The following CARMIL1 variants were observed in gnomAD, a reference collection of about 807,000 sequenced individuals.
CARMIL1 encodes the protein F-actin-uncapping protein LRRC16A.
A neutral mutation model predicts 177.1 loss-of-function variants in CARMIL1; 90 were observed. The observed-to-expected ratio is 0.51, with a 90% CI of 0.43 to 0.61. The LOEUF (loss-of-function observed/expected upper bound fraction) is 0.61, where lower values mean the gene tolerates loss of function less well. Ranked by LOEUF, CARMIL1 falls within the 20% of genes least tolerant of loss-of-function variation. The pLI, the probability that CARMIL1 is intolerant of heterozygous loss-of-function variation, is 0.00. For missense variants in CARMIL1, 1,380 were observed against 1,667.0 expected (o/e 0.83, Z 3.00); for synonymous variants, 577 against 606.2 (o/e 0.95, Z 0.71).
At chr6:25,392,906 A>G (rs1793021837) in intron 2 of CARMIL1, among the ~76,000 whole-genome samples, 1 of 151,992 alleles carries the variant, frequency 6.6e-6, no homozygotes, top group Admixed American at 6.6e-5. Context: ...AAAAAACAAC[A>G]GTGTTCCTGA....
chr6:25,392,598 G>T (rs1467444906), intron 2 of CARMIL1, among the ~76,000 whole-genome samples: 11 of 152,144 alleles, frequency 7.2e-5, no homozygotes. Context: ...GACTCCAGGG[G>T]ATGGCTCAGA....
chr6:25,328,977 A>G (rs1419887535), intron 2 of CARMIL1, among the ~76,000 whole-genome samples: 1 of 152,158 alleles, frequency 6.6e-6, no homozygotes, highest in Admixed American at 6.5e-5. Context: ...GGAGGGTCAT[A>G]TGTATTTCCA....
chr6:25,605,954 T>C (rs1044813879), intron 34 of CARMIL1, 107 bp from the exon 35 acceptor site: 2 of 720,826 alleles, frequency 2.8e-6, no homozygotes, highest in Non-Finnish European at 4.6e-6. Context: ...AAAACATCCG[T>C]GATGAGAAAC....
intron 13 of CARMIL1, among the ~76,000 whole-genome samples, chr6:25,490,484 G>T (rs75635500): frequency 2.3e-4 from 35 of 152,124 alleles, no homozygotes; most frequent in African/African-American, 8.4e-4. Flanking sequence ...GATCTCTGGG[G>T]TCCAGGGGTT....
chr6:25,480,035 A>G (rs1474985295), intron 11 of CARMIL1, among the ~76,000 whole-genome samples: 1 of 152,166 alleles, frequency 6.6e-6, no homozygotes, highest in African/African-American at 2.4e-5. Flanking sequence ...GTATGAATTC[A>G]CAGTACTAAG....
chr6:25,563,306 A>G (rs1005247593), intron 29 of CARMIL1: 104 of 985,316 alleles, frequency 1.1e-4, no homozygotes, highest in Non-Finnish European at 1.1e-4. Context: ...AGAATAAAAG[A>G]TCAAATCCCT....
chr6:25,520,107 G>A (rs1208737135), intron 22 of CARMIL1, 137 bp from the exon 23 acceptor site: 18 of 521,800 alleles, frequency 3.4e-5, no homozygotes, highest in Middle Eastern at 5.2e-4. Context: ...GCAATCTAGG[G>A]GCCTAAATGG....
At chr6:25,603,906 A>T (rs1033724322) in intron 33 of CARMIL1, among the ~76,000 whole-genome samples, 3 of 152,080 alleles carry the variant, frequency 2.0e-5, no homozygotes, top group African/African-American at 7.2e-5. Context: ...TCCCACCTGC[A>T]GATTTTTAAA....
At chr6:25,526,361 A>G (rs1308861377) in intron 23 of CARMIL1, among the ~76,000 whole-genome samples, 1 of 151,604 alleles carries the variant, frequency 6.6e-6, no homozygotes, top group Admixed American at 6.6e-5. Flanking sequence ...AAGAAAATGG[A>G]CATTCAGGAC....
intron 2 of CARMIL1, among the ~76,000 whole-genome samples, chr6:25,321,991 G>A (rs1001755727): frequency 1.3e-5 from 2 of 151,938 alleles, no homozygotes; most frequent in Admixed American, 6.6e-5. Flanking sequence ...ACCAGGTCAC[G>A]CTGTGTTGCC....
chr6:25,340,739 A>G (rs913325823), intron 2 of CARMIL1, among the ~76,000 whole-genome samples: 2 of 149,038 alleles, frequency 1.3e-5, no homozygotes, highest in Non-Finnish European at 3.0e-5. Flanking sequence ...AGTAGAAGAA[A>G]CCTCACAAAG....
chr6:25,483,183 T>G (rs573016487), intron 12 of CARMIL1, among the ~76,000 whole-genome samples: 2 of 152,312 alleles, frequency 1.3e-5, no homozygotes, highest in South Asian at 4.1e-4. Flanking sequence ...TTCTCTCTAT[T>G]TATCTGCAGC....
Position 25,600,693 on chromosome 6 carries a change from C to T in CARMIL1, c.3499C>T (p.Leu1167=). The change falls in exon 33 of 37, where the codon CTG becomes TTG. Residue 1167 remains leucine (L), a synonymous_variant. Transcript: ENST00000329474. ...RYGVQVMGSG[L]LAEMKAKQEK... ...TGGGGTCCAGGTGATGGGCAGTGGT[C>T]TGCTGGCAGAGATGAAAGCCAAGCA... The T allele has an allele frequency of 1.3e-6, 2 of 1,589,440 alleles. No individual in the cohort carries two copies. Among genetic ancestry groups the T allele is most frequent in the South Asian group, 1.2e-5 (1 of 86,842 alleles).
chr6:25,451,792 C>A (rs1444915286), intron 8 of CARMIL1, among the ~76,000 whole-genome samples: 1 of 151,946 alleles, frequency 6.6e-6, no homozygotes, highest in Non-Finnish European at 1.5e-5. Context: ...AAACTCCAGC[C>A]CTACTTAATA....
At chr6:25,611,740 A>G (rs1261582742) in intron 36 of CARMIL1, among the ~76,000 whole-genome samples, 1 of 152,216 alleles carries the variant, frequency 6.6e-6, no homozygotes, top group African/African-American at 2.4e-5. Context: ...ACATTTCTGG[A>G]AAGTGGTGTT....
At chr6:25,500,913 C>T (rs1804252074) in intron 17 of CARMIL1, among the ~76,000 whole-genome samples, 1 of 152,006 alleles carries the variant, frequency 6.6e-6, no homozygotes, top group South Asian at 2.1e-4. Flanking sequence ...GCGCCCGCCA[C>T]CACGCCCGGC....
intron 2 of CARMIL1, among the ~76,000 whole-genome samples, chr6:25,314,192 T>C (rs369250210): frequency 3.8e-5 from 5 of 132,848 alleles, no homozygotes; most frequent in South Asian, 2.6e-4. Flanking sequence ...CTCCTGACCT[T>C]GTGATCCACC....
intron 2 of CARMIL1, among the ~76,000 whole-genome samples, chr6:25,329,975 G>A (rs1157169982): frequency 1.3e-5 from 2 of 152,202 alleles, no homozygotes; most frequent in Non-Finnish European, 1.5e-5. Context: ...CCTATTCAGC[G>A]TCAGACATTC....
intron 2 of CARMIL1, among the ~76,000 whole-genome samples, chr6:25,364,487 T>C (rs1423243914): frequency 6.6e-6 from 1 of 152,210 alleles, no homozygotes; most frequent in Non-Finnish European, 1.5e-5. Flanking sequence ...CCTTTTGAGA[T>C]TGGCTTTTTA....
Sources: allele counts gnomAD v4.1 joint callset (sites outside exome capture counted in the v4.1 genomes callset), GRCh38; gene constraint gnomAD v4.1.1; transcripts MANE v1.5; gene names NCBI Gene and HGNC (gene_info 2026-07-23, HGNC 2026-07-21).